The following ITGB1 variants were observed in gnomAD, a reference collection of about 807,000 sequenced individuals.
ITGB1 encodes integrin beta-1.
A neutral mutation model predicts 86.5 loss-of-function variants in ITGB1; 24 were observed. The observed-to-expected ratio is 0.28, with a 90% confidence interval of 0.20 to 0.39. ITGB1 has a LOEUF of 0.39. ITGB1 is among the 10% of genes least tolerant of loss of function. The probability of loss-of-function intolerance (pLI) is 1.00; values close to 1 mark genes in which losing one functional copy is unlikely to be tolerated. For missense variants in ITGB1, 556 were observed against 946.9 expected (o/e 0.59, Z 5.42); for synonymous variants, 323 against 316.8 (o/e 1.02, Z -0.21).
Position 32,928,167 on chromosome 10 carries a change from A to G in ITGB1, c.474T>C (p.Asp158=). The part of the protein sequence containing the change: ...LMDLSYSMKD[D]LENVKSLGTD... ...TTCCAAGACTTTTTACATTCTCCAA[A>G]TCGTCTTTCATTGAGTAAGACAGGT... The change falls in exon 5 of 16, where the codon GAT becomes GAC. Residue 158 remains aspartate (D), a synonymous_variant. Coordinates refer to ENST00000302278, the MANE Select transcript of ITGB1 (RefSeq NM_002211.4). The G allele has an allele frequency of 1.3e-6, 2 of 1,523,154 alleles. No homozygotes were observed. The highest frequency in any genetic ancestry group is 1.1e-5 in the South Asian group (1 of 89,196). 94.4% of individuals were successfully genotyped at this position (1,523,154 alleles called of 1,614,324 possible).
At chr10:32,948,512 G>A (rs891516075) in intron 1 of ITGB1, among the ~76,000 whole-genome samples, 3 of 152,086 alleles carry the variant, frequency 2.0e-5, no homozygotes, top group African/African-American at 7.2e-5. Context: ...TGCTTTGAAC[G>A]TGTCCCCAAG....
chr10:32,905,549 A>G (rs1304402098), intron 15 of ITGB1, among the ~76,000 whole-genome samples: 1 of 152,202 alleles, frequency 6.6e-6, no homozygotes, highest in Non-Finnish European at 1.5e-5. Context: ...GAAGATACAT[A>G]ACTGCTACCA....
chr10:32,907,192 C>A (rs533344850), intron 15 of ITGB1: 3 of 768,636 alleles, frequency 3.9e-6, no homozygotes, highest in East Asian at 5.2e-5. Context: ...AAAAAAAAAT[C>A]CCTTTATAGT....
At chr10:32,911,392 G>A in intron 13 of ITGB1, 56 bp downstream of exon 13, 2 of 1,442,424 alleles carry the variant, frequency 1.4e-6, no homozygotes, top group South Asian at 1.2e-5. Flanking sequence ...AACAATACAG[G>A]CTTAGGAGAG....
intron 1 of ITGB1, among the ~76,000 whole-genome samples, chr10:32,943,121 A>T (rs2095022860): frequency 6.6e-6 from 1 of 152,206 alleles, no homozygotes; most frequent in Non-Finnish European, 1.5e-5. Context: ...TAATGTGCAG[A>T]ACTTCTCTAA....
intron 4 of ITGB1, among the ~76,000 whole-genome samples, chr10:32,928,710 T>C (rs2094973360): frequency 6.6e-6 from 1 of 152,006 alleles, no homozygotes; most frequent in Admixed American, 6.5e-5. Context: ...TTAGAAAGCC[T>C]GGCAGACAGC....
At chr10:32,920,191 A>C (rs1224387272) in intron 10 of ITGB1, 54 bp downstream of exon 10, 10 of 1,583,172 alleles carry the variant, frequency 6.3e-6, no homozygotes, top group Non-Finnish European at 7.8e-6. Flanking sequence ...CTATAAACTA[A>C]ATTTGCTTAT....
intron 3 of ITGB1, among the ~76,000 whole-genome samples, chr10:32,931,758 CA>C (rs1565827869): frequency 6.6e-6 from 1 of 152,074 alleles, no homozygotes; most frequent in Non-Finnish European, 1.5e-5. Flanking sequence ...TGCATGAAAA[CA>C]AAATCAGTAA....
chr10:32,910,503 T>G, intron 13 of ITGB1, 48 bp from the exon 14 acceptor site: 9 of 1,300,438 alleles, frequency 6.9e-6, no homozygotes, highest in Non-Finnish European at 9.7e-6. Context: ...ATTATTTCAG[T>G]AAATATTTGC....
intron 11 of ITGB1, among the ~76,000 whole-genome samples, chr10:32,912,550 G>A (rs2094916766): frequency 1.3e-5 from 2 of 152,186 alleles, no homozygotes; most frequent in Non-Finnish European, 2.9e-5. Flanking sequence ...CACACCCATG[G>A]AGCCTCGCTC....
intron 1 of ITGB1, among the ~76,000 whole-genome samples, chr10:32,940,953 C>T (rs1042877764): frequency 1.3e-5 from 2 of 152,214 alleles, no homozygotes; most frequent in African/African-American, 4.8e-5. Flanking sequence ...ACAAGGGTCA[C>T]TGCTTCAGGG....
intron 3 of ITGB1, among the ~76,000 whole-genome samples, chr10:32,931,319 C>T (rs1354560207): frequency 6.6e-6 from 1 of 152,100 alleles, no homozygotes; most frequent in Non-Finnish European, 1.5e-5. Flanking sequence ...AAGGATTATG[C>T]TCCAAAGCTC....
Position 32,904,796 on chromosome 10 carries a change from A to T in ITGB1, c.2332-3161T>A, listed in dbSNP as rs530996050. ...TTCAATAATGCATAGAGAAATTTTT[A>T]CCAAACTTCTGCTTCCTGAATTACA... On this transcript the variant is annotated intron_variant, in intron 15 of 15. Coordinates refer to ENST00000302278, the MANE Select transcript of ITGB1 (RefSeq NM_002211.4). 2.8e-4 allele frequency among the ~76,000 whole-genome samples: 43 copies of T among 152,346 alleles called. 1 individual carries two copies. In the South Asian group the frequency reaches 7.9e-3, roughly 28 times the overall value.
intron 1 of ITGB1, chr10:32,944,424 T>C: frequency 6.3e-6 from 2 of 316,822 alleles, no homozygotes; most frequent in South Asian, 2.9e-5. Context: ...GCAGCCGTGA[T>C]CATGGGGGCC....
chr10:32,935,794 C>T (rs866899025), intron 1 of ITGB1: 3 of 389,942 alleles, frequency 7.7e-6, no homozygotes, highest in East Asian at 4.0e-5. Flanking sequence ...AGAATCCATT[C>T]GTGCCTTTCT....
chr10:32,932,696 T>A, intron 2 of ITGB1, 96 bp from the exon 3 acceptor site: 1 of 706,172 alleles, frequency 1.4e-6, no homozygotes. Context: ...ATACATATGT[T>A]AAATATTAAT....
chr10:32,923,577 G>A lies in ITGB1; in HGVS notation c.942+8C>T, dbSNP rs56339866. On this transcript the variant is annotated splice_region_variant and intron_variant, in intron 7 of 15. Transcript: ENST00000302278. ...ACACATTCACTATGTAAGGAACCAGGCACTTACATAATAATGGCTCATTGT... is the reference window on the plus strand; with the variant it reads ...ACACATTCACTATGTAAGGAACCAGACACTTACATAATAATGGCTCATTGT... 9.8e-3 allele frequency: 15,656 copies of A among 1,603,052 alleles called. 112 individuals are homozygous for A. Among genetic ancestry groups the A allele is most frequent in the Middle Eastern group, 0.034 (205 of 6,018 alleles).
chr10:32,928,299 C>T, intron 4 of ITGB1, 35 bp from the exon 5 acceptor site: 2 of 795,578 alleles, frequency 2.5e-6, no homozygotes, highest in Non-Finnish European at 4.3e-6. Context: ...TGAAACTTGC[C>T]TGTTGGCAAT....
At chr10:32,944,923 A>G in intron 1 of ITGB1, 1 of 1,332,818 alleles carries the variant, frequency 7.5e-7, no homozygotes, top group Admixed American at 1.7e-5. Context: ...AAGCCCAAAC[A>G]AAGCCAGTCC....
Sources: gnomAD v4.1 joint callset for allele counts (sites outside exome capture counted in the v4.1 genomes callset) on GRCh38, gnomAD v4.1.1 for gene constraint, MANE v1.5 for transcripts, NCBI Gene and HGNC (gene_info 2026-07-23, HGNC 2026-07-21) for gene names.